The following LYST variants were observed in gnomAD, a reference collection of about 807,000 sequenced individuals.
LYST encodes the protein lysosomal trafficking regulator.
Under a neutral mutation model 413.6 loss-of-function variants are expected in LYST, and 192 were observed. That is an observed-to-expected ratio of 0.46 (90% CI 0.41 to 0.52). The LOEUF (loss-of-function observed/expected upper bound fraction) is 0.52, where lower values mean the gene tolerates loss of function less well. Ranked by LOEUF, LYST falls within the 20% of genes least tolerant of loss-of-function variation. The pLI is 0.00. For missense variants in LYST, 3,815 were observed against 4,499.9 expected, an observed-to-expected ratio of 0.85 and a Z score of 4.35; for synonymous variants, 1,525 against 1,567.3, an observed-to-expected ratio of 0.97 and a Z score of 0.64.
rs1673204164 is a variant in LYST at position 235,809,334 on chromosome 1, A to G, written c.1484T>C (p.Met495Thr). The change falls in exon 5 of 53, where the codon ATG (methionine) becomes ACG (threonine). Residue 495 changes from methionine to threonine, a missense_variant. Transcript: ENST00000389793. The surrounding 1 kb of genome is among the most constrained non-coding windows in gnomAD (Gnocchi z 4.0). The stretch of plus-strand genomic sequence containing the variant: ...TCGTCTGTGCCTTTTTCTTGTACAC[A>G]TCGAATGATGAAGTTGCTCTGATTT... ...KVKSEQLHHS[M>T]CTRKRHRRCE... 1 of 1,613,948 alleles carries G rather than the reference A, an allele frequency of 6.2e-7. No individual in the cohort carries two copies. Among genetic ancestry groups the G allele is most frequent in the African/African-American group, 1.3e-5 (1 of 74,918 alleles).
rs1043343934 is a variant in LYST at position 235,686,812 on chromosome 1, T to G, written c.10800+137A>C. 5 of 743,092 alleles carry G rather than the reference T, an allele frequency of 6.7e-6. No individual in the cohort carries two copies. Among genetic ancestry groups the G allele is most frequent in the Non-Finnish European group, 1.2e-5 (5 of 413,370 alleles). 46.0% of individuals were successfully genotyped at this position (743,092 alleles called of 1,614,324 possible). ...GATTCTAATAAACCCTAAAGCATTT[T>G]AAGACCTAATGTAGGGAGAAGATTA... On this transcript the variant is annotated intron_variant, in intron 48 of 52. Transcript: ENST00000389793. This position sits in a 1 kb window ranked among gnomAD's most constrained non-coding sequence, Gnocchi z 4.0.
In LYST at chr1:235,661,356, A is replaced by C. The variant is rs2103001283; in HGVS notation, c.*1584T>G. The C allele has an allele frequency of 6.5e-6, 1 of 152,718 alleles. No homozygotes were observed. The highest frequency in any genetic ancestry group is 1.9e-4 in the East Asian group (1 of 5,188). The allele number at this position is 152,718 out of a possible 1,614,324, so 9.5% of individuals were successfully genotyped here. On this transcript the variant is annotated 3_prime_UTR_variant, in exon 53 of 53. Transcript: ENST00000389793. ...GGGACTAATTTAAAGTTCTCAGTAA[A>C]AAAATGAAAGCTAGACAATAGCTGC...
intron 10 of LYST, among the ~76,000 whole-genome samples, chr1:235,796,948 GATAGATATA>G (rs1446455002): frequency 2.0e-5 from 3 of 152,074 alleles, no homozygotes; most frequent in Non-Finnish European, 4.4e-5. Context: ...TATCCACCAG[GATAGATATA>G]ATTAAAAAGG....
At chr1:235,715,858 T>G (rs1279297500) in intron 41 of LYST, among the ~76,000 whole-genome samples, 2 of 127,720 alleles carry the variant, frequency 1.6e-5, no homozygotes, top group Admixed American at 1.4e-4. Flanking sequence ...TACAGTGCAG[T>G]TATCAGAGAT....
At chr1:235,691,288 A>T (rs1193230129) in intron 47 of LYST, among the ~76,000 whole-genome samples, 1 of 152,206 alleles carries the variant, frequency 6.6e-6, no homozygotes, top group Non-Finnish European at 1.5e-5. Flanking sequence ...AAGTGTGAGT[A>T]CTATTATCTT....
At chr1:235,788,358 T>C (rs1181965819) in intron 13 of LYST, among the ~76,000 whole-genome samples, 2 of 151,976 alleles carry the variant, frequency 1.3e-5, no homozygotes, top group Non-Finnish European at 2.9e-5. Flanking sequence ...TTGTTTTTAT[T>C]TTTATTTTTT....
At chr1:235,838,985 C>T (rs891964307) in intron 1 of LYST, among the ~76,000 whole-genome samples, 2 of 152,116 alleles carry the variant, frequency 1.3e-5, no homozygotes, top group African/African-American at 4.8e-5. Context: ...TCCCCCACCC[C>T]TGCGCCCTTT....
chr1:235,755,596 G>T lies in LYST; in HGVS notation c.7111C>A (p.Leu2371Met). Residue 2371 changes from leucine (L) to methionine (M), a missense_variant, in exon 25 of 53, where the codon CTG (leucine) becomes ATG (methionine). Leu to Met is a conservative substitution (Grantham distance 15). Around this residue, in one of 4 missense-constraint regions of LYST, gnomAD observed 771 missense variants for 837.1 expected, o/e 0.92. Coordinates refer to ENST00000389793, the MANE Select transcript of LYST (RefSeq NM_000081.4). ...RASKEQKDKF[L>M]KNRGFSLLAN... is the part of the protein sequence containing the mutation. ...AGCAAGGAAAATCCACGATTCTTCA[G>T]AAATTTATCTTTTTGTTCCTTAGAT... 6.2e-7 allele frequency: 1 copy of T among 1,613,362 alleles called. No homozygotes were observed. The highest frequency in any genetic ancestry group is 1.1e-5 in the South Asian group (1 of 91,056).
intron 17 of LYST, among the ~76,000 whole-genome samples, chr1:235,775,399 T>G (rs1171718900): frequency 6.6e-6 from 1 of 152,144 alleles, no homozygotes; most frequent in Non-Finnish European, 1.5e-5. Context: ...AGGCTCTGCA[T>G]TATGTGGTAA....
rs182121637 is a variant in LYST, at chr1:235,812,229, C to T, written c.283+742G>A. Among the ~76,000 whole-genome samples the T allele has an allele frequency of 3.6e-3, 546 of 152,178 alleles. 16 individuals are homozygous for T. Among genetic ancestry groups the T allele is most frequent in the Admixed American group, 0.033 (506 of 15,282 alleles). On this transcript the variant is annotated intron_variant, in intron 4 of 52. Transcript: ENST00000389793. Reference sequence around the variant, plus strand: ...TATTAAATATATCCTTTAGGCTGGGCACGGTGGCTCATGCCTGTAATCCCA... The same window carrying T: ...TATTAAATATATCCTTTAGGCTGGGTACGGTGGCTCATGCCTGTAATCCCA...
Position 235,770,216 on chromosome 1 carries a change from G to C in LYST, c.5866C>G (p.Gln1956Glu), listed in dbSNP as rs1668533785. 6.2e-7 allele frequency: 1 copy of C among 1,613,626 alleles called. No individual in the cohort carries two copies. Among genetic ancestry groups the C allele is most frequent in the Non-Finnish European group, 8.5e-7 (1 of 1,179,622 alleles). Reference protein sequence around the residue: ...DHHQQMFNIKQLLKAQVVHHF... With the variant: ...DHHQQMFNIKELLKAQVVHHF... ...TGAACCACTTGAGCTTTCAATAACT[G>C]CTTAATATTAAACATCTGCTGGTGG... Residue 1956 changes from glutamine to glutamate, a missense_variant, in exon 20 of 53, where the codon CAG becomes GAG. Gln to Glu is a conservative substitution (Grantham distance 29). Transcript: ENST00000389793.
At position 235,715,286 on chromosome 1, in the gene LYST, A is replaced by G; in HGVS notation, c.9699T>C (p.Tyr3233=). The G allele has an allele frequency of 6.2e-7, 1 of 1,613,520 alleles. No homozygotes were observed. Among genetic ancestry groups the G allele is most frequent in the Non-Finnish European group, 8.5e-7 (1 of 1,179,418 alleles). ...TGCCGCTATTGGAATAGTGGGAGCC[A>G]TAGTGATAGGGCTGCACGGGAGGCA... ...DPMPPVQPYH[Y]GSHYSNSGTV... The change falls in exon 42 of 53, where the codon TAT becomes TAC. Residue 3233 remains tyrosine (Y), a synonymous_variant. Coordinates refer to ENST00000389793, the MANE Select transcript of LYST (RefSeq NM_000081.4).
chr1:235,801,027 G>A lies in LYST; in HGVS notation c.3783C>T (p.Leu1261=). 2 of 1,613,632 alleles carry A rather than the reference G, an allele frequency of 1.2e-6. No individual in the cohort carries two copies. Among genetic ancestry groups the A allele is most frequent in the Non-Finnish European group, 1.7e-6 (2 of 1,179,700 alleles). ...CAGGATAAATTATTTCCCCTTGAGT[G>A]AGGTTTTCGAGTAAGTCATTTGGAC... ...SSSPNDLLEN[L]TQGEIIYPEI... is the part of the protein sequence containing the mutation. The change falls in exon 9 of 53, where the codon CTC becomes CTT. Residue 1261 remains leucine, a synonymous_variant. Coordinates refer to ENST00000389793, the MANE Select transcript of LYST (RefSeq NM_000081.4).
rs1026796527 is a variant in LYST, at chr1:235,687,153, A to G, written c.10702-106T>C. 13 of 824,854 alleles carry G rather than the reference A, an allele frequency of 1.6e-5. No individual in the cohort carries two copies. The African/African-American group carries it at 1.9e-4, about 12-fold the overall frequency. The allele number at this position is 824,854 out of a possible 1,614,324, so 51.1% of individuals were successfully genotyped here. On this transcript the variant is annotated intron_variant, in intron 47 of 52. Coordinates refer to ENST00000389793, the MANE Select transcript of LYST (RefSeq NM_000081.4). ...GAAAAATACTTCTACTTTTCTGACA[A>G]CTATTTTTTTTAACTCTCAAAAATG... is the stretch of plus-strand genomic sequence containing the variant.
rs190613033 is a variant in LYST at position 235,674,197 on chromosome 1, C to T, written c.11038+2894G>A. Among the ~76,000 whole-genome samples, 3 of 152,278 alleles carry T rather than the reference C, an allele frequency of 2.0e-5. No individual in the cohort carries two copies. The highest frequency in any genetic ancestry group is 1.3e-4 in the Admixed American group (2 of 15,282). ...GGAATATTTGGCATTCCTTGGAAGCCTAACAGGACGCAGTGAATCTAAGCC... is the reference window on the plus strand; with the variant it reads ...GGAATATTTGGCATTCCTTGGAAGCTTAACAGGACGCAGTGAATCTAAGCC... On this transcript the variant is annotated intron_variant, in intron 50 of 52. Transcript: ENST00000389793. This position sits in a 1 kb window ranked among gnomAD's most constrained non-coding sequence, Gnocchi z 4.1.
At position 235,728,079 on chromosome 1, in the gene LYST, A is replaced by G. The variant is rs1558158488; in HGVS notation, c.9159T>C (p.Ser3053=). 1 of 1,610,596 alleles carries G rather than the reference A, an allele frequency of 6.2e-7. No individual in the cohort carries two copies. The highest frequency in any genetic ancestry group is 1.3e-5 in the African/African-American group (1 of 74,832). Residue 3053 remains serine (S), a synonymous_variant, in exon 38 of 53, where the codon AGT becomes AGC. Transcript: ENST00000389793. ...ACAGACTTAAGCCTCTACTCACCGA[A>G]CTTTCAACTGTATCAGAAGCATTAT... ...VEDNASDTVE[S]SSLQGELEPA...
chr1:235,832,472 G>GT (rs1369088063), intron 2 of LYST, among the ~76,000 whole-genome samples: 5 of 152,162 alleles, frequency 3.3e-5, no homozygotes, highest in Middle Eastern at 3.4e-3. Flanking sequence ...AGAAATGTAT[G>GT]TTTTTTCCTG....
chr1:235,812,370 G>A (rs942413755), intron 4 of LYST, among the ~76,000 whole-genome samples: 9 of 151,990 alleles, frequency 5.9e-5, no homozygotes, highest in African/African-American at 1.9e-4. Context: ...AGTCTGGCAT[G>A]GTGGTGCACG....
intron 40 of LYST, among the ~76,000 whole-genome samples, chr1:235,719,627 T>TAAAAA (rs35578758): frequency 7.3e-6 from 1 of 137,002 alleles, no homozygotes; most frequent in Admixed American, 7.3e-5. Flanking sequence ...TGCAGAATGA[T>TAAAAA]AAAAAAAAAA....
Sources: gnomAD v4.1 joint callset for allele counts (sites outside exome capture counted in the v4.1 genomes callset) on GRCh38, gnomAD v4.1.1 for gene constraint, gnomAD v4.1.1 regional missense constraint, Gnocchi (gnomAD v3.1) non-coding constraint, MANE v1.5 for transcripts, NCBI Gene and HGNC (gene_info 2026-07-23, HGNC 2026-07-21) for gene names.